The following FAM219A variants were observed in gnomAD, a reference collection of about 807,000 sequenced individuals.
The protein encoded by FAM219A is family with sequence similarity 219 member A, also known as protein FAM219A.
Under a neutral mutation model 23.4 loss-of-function variants are expected in FAM219A, and 7 were observed. That is an observed-to-expected ratio of 0.30 (90% CI 0.17 to 0.56). FAM219A has a LOEUF of 0.56. Among genes scored for constraint, FAM219A ranks in the 20% least tolerant of loss-of-function variants. The pLI, the probability that FAM219A is intolerant of heterozygous loss-of-function variation, is 0.92. For missense variants in FAM219A, 166 were observed against 246.9 expected, an observed-to-expected ratio of 0.67 and a Z score of 2.20; for synonymous variants, 93 against 99.0, an observed-to-expected ratio of 0.94 and a Z score of 0.36.
intron 1 of FAM219A, among the ~76,000 whole-genome samples, chr9:34,411,690 A>AAAAG (rs563890557): frequency 1.9e-5 from 2 of 106,596 alleles, no homozygotes; most frequent in East Asian, 3.1e-4. Context: ...AAAAAAAAAA[A>AAAAG]AAAGAAAGAA....
chr9:34,416,259 G>GAAAGAAA (rs1157152703), intron 1 of FAM219A, among the ~76,000 whole-genome samples: 20 of 125,672 alleles, frequency 1.6e-4, no homozygotes, highest in East Asian at 4.8e-4. Flanking sequence ...AAGAAAGAAA[G>GAAAGAAA]GGGGAGGGAG....
chr9:34,401,152 C>A, intron 5 of FAM219A, 30 bp from the exon 6 acceptor site: 1 of 1,608,240 alleles, frequency 6.2e-7, no homozygotes, highest in Non-Finnish European at 8.5e-7. Flanking sequence ...AGGTCAGGCC[C>A]GAGCGGCAGG....
intron 1 of FAM219A, among the ~76,000 whole-genome samples, chr9:34,447,734 T>A (rs1432629395): frequency 1.3e-5 from 2 of 152,220 alleles, no homozygotes; most frequent in East Asian, 3.8e-4. Flanking sequence ...ATCTGCTTCT[T>A]TCCCCCTCTT....
At chr9:34,411,676 C>CCAAAA (rs1821826862) in intron 1 of FAM219A, among the ~76,000 whole-genome samples, 1 of 114,620 alleles carries the variant, frequency 8.7e-6, no homozygotes, top group Admixed American at 9.0e-5. Flanking sequence ...GACTCCGTCT[C>CCAAAA]AAAAAAAAAA....
rs1822075113 is a variant in FAM219A at position 34,417,346 on chromosome 9, C to G, written c.61-11382G>C. Among the ~76,000 whole-genome samples the G allele has an allele frequency of 1.3e-5, 2 of 152,104 alleles. No individual in the cohort carries two copies. Among genetic ancestry groups the G allele is most frequent in the African/African-American group, 4.8e-5 (2 of 41,408 alleles). On this transcript the variant is annotated intron_variant, in intron 1 of 5. Transcript: ENST00000651358. The surrounding 1 kb of genome is among the most constrained non-coding windows in gnomAD (Gnocchi z 4.1). Reference sequence around the variant, plus strand: ...ACAGGTGTGAGCCACCATTCCCAGCCCCTAGCTTTATATTCTTACATAGTT... The same window carrying G: ...ACAGGTGTGAGCCACCATTCCCAGCGCCTAGCTTTATATTCTTACATAGTT...
chr9:34,416,800 A>C (rs1176552580), intron 1 of FAM219A, among the ~76,000 whole-genome samples: 6 of 127,062 alleles, frequency 4.7e-5, no homozygotes, highest in Non-Finnish European at 1.6e-5. Context: ...GAACATAATC[A>C]GCTCTCCATT....
At chr9:34,402,248 C>T in intron 4 of FAM219A, 139 bp downstream of exon 4, 1 of 1,611,656 alleles carries the variant, frequency 6.2e-7, no homozygotes. Flanking sequence ...ATTCCCATCC[C>T]TGGAGAATTC....
chr9:34,440,023 C>T (rs1588066838), intron 1 of FAM219A, among the ~76,000 whole-genome samples: 1 of 152,148 alleles, frequency 6.6e-6, no homozygotes, highest in African/African-American at 2.4e-5. Flanking sequence ...CAGGTCCCTT[C>T]CCAAAACAGA....
At chr9:34,432,947 C>A (rs144181328) in intron 1 of FAM219A, among the ~76,000 whole-genome samples, 7 of 152,322 alleles carry the variant, frequency 4.6e-5, no homozygotes, top group Admixed American at 2.0e-4. Flanking sequence ...ATCCTCCTGC[C>A]TCAACCTCCT....
intron 1 of FAM219A, among the ~76,000 whole-genome samples, chr9:34,440,791 A>T (rs551727100): frequency 2.8e-4 from 42 of 151,720 alleles, no homozygotes; most frequent in Non-Finnish European, 4.7e-4. Flanking sequence ...CGGAGCTTGC[A>T]AGTGAGCCGA....
intron 1 of FAM219A, among the ~76,000 whole-genome samples, chr9:34,407,795 T>C (rs1588034525): frequency 6.6e-6 from 1 of 151,966 alleles, no homozygotes; most frequent in South Asian, 2.1e-4. Context: ...ATGCAGGGAG[T>C]AGACAGATGG....
intron 1 of FAM219A, among the ~76,000 whole-genome samples, chr9:34,424,375 C>A (rs1243764354): frequency 6.6e-6 from 1 of 151,990 alleles, no homozygotes; most frequent in African/African-American, 2.4e-5. Flanking sequence ...CACCGAGAGA[C>A]ATTCTCTAGT....
chr9:34,421,190 G>C (rs2131963942), intron 1 of FAM219A, among the ~76,000 whole-genome samples: 1 of 152,112 alleles, frequency 6.6e-6, no homozygotes, highest in African/African-American at 2.4e-5. Context: ...AAGCAGGTCA[G>C]AGAGGGGAAG....
At chr9:34,401,358 GTCCTGC>G (rs1821423619) in intron 5 of FAM219A, among the ~76,000 whole-genome samples, 1 of 152,086 alleles carries the variant, frequency 6.6e-6, no homozygotes, top group Admixed American at 6.5e-5. Flanking sequence ...CACACCTCTG[GTCCTGC>G]TCCTATTCGG....
intron 1 of FAM219A, among the ~76,000 whole-genome samples, chr9:34,411,783 G>C (rs1353066236): frequency 6.6e-6 from 1 of 152,054 alleles, no homozygotes; most frequent in African/African-American, 2.4e-5. Context: ...TAAAAGTAGA[G>C]AGAATGGGAC....
At chr9:34,405,132 C>T (rs1052179380) in intron 2 of FAM219A, among the ~76,000 whole-genome samples, 2 of 152,118 alleles carry the variant, frequency 1.3e-5, no homozygotes, top group African/African-American at 4.8e-5. Flanking sequence ...CTTCAAGAAA[C>T]CAAAGTTTTC....
chr9:34,427,091 T>C (rs78432070), intron 1 of FAM219A, among the ~76,000 whole-genome samples: 127 of 152,372 alleles, frequency 8.3e-4, no homozygotes, highest in Non-Finnish European at 1.5e-3. Flanking sequence ...TTACTCCTGA[T>C]GGGGTATCAA....
chr9:34,401,518 T>C lies in FAM219A; in HGVS notation c.399+148A>G, dbSNP rs545597273. ...GAGGCCAGTAACCACTTCTCTTCCA[T>C]CCTATCCCAGGCCCACCCTGTGCAG... On this transcript the variant is annotated intron_variant, in intron 5 of 5. Transcript: ENST00000651358. The C allele has an allele frequency of 1.3e-5, 11 of 870,608 alleles. No individual in the cohort carries two copies. The South Asian group carries it at 1.8e-4, about 14-fold the overall frequency. The allele number at this position is 870,608 out of a possible 1,614,324, so 53.9% of individuals were successfully genotyped here.
intron 4 of FAM219A, chr9:34,402,166 C>G: frequency 6.8e-7 from 1 of 1,473,796 alleles, no homozygotes; most frequent in Non-Finnish European, 9.0e-7. Context: ...CCCAGGATGA[C>G]AGCAGACAAC....
Sources: gnomAD v4.1 joint callset for allele counts (sites outside exome capture counted in the v4.1 genomes callset) on GRCh38, gnomAD v4.1.1 for gene constraint, Gnocchi (gnomAD v3.1) non-coding constraint, MANE v1.5 for transcripts, NCBI Gene and HGNC (gene_info 2026-07-23, HGNC 2026-07-21) for gene names.